Variants in PSMD14 observed in about 807,000 individuals in gnomAD.
PSMD14 encodes the protein proteasome 26S subunit, non-ATPase 14.
PSMD14 carries 7 observed loss-of-function variants against 41.2 expected under a neutral mutation model. The observed-to-expected ratio is 0.17, with a 90% CI of 0.10 to 0.32. PSMD14 has a LOEUF of 0.32. PSMD14 is among the 10% of genes least tolerant of loss of function. The pLI, the probability that PSMD14 is intolerant of heterozygous loss-of-function variation, is 1.00. For synonymous variants in PSMD14, 114 were observed against 122.3 expected (o/e 0.93, Z 0.45); for missense variants, 139 against 375.6 (o/e 0.37, Z 5.21).
intron 3 of PSMD14, among the ~76,000 whole-genome samples, chr2:161,363,947 C>T (rs1683324776): frequency 6.6e-6 from 1 of 152,202 alleles, no homozygotes; most frequent in African/African-American, 2.4e-5. Flanking sequence ...CAATTAGACC[C>T]CCTGCCTTAC....
chr2:161,394,863 TAGA>T (rs1683769741), intron 9 of PSMD14, among the ~76,000 whole-genome samples: 1 of 152,124 alleles, frequency 6.6e-6, no homozygotes, highest in Non-Finnish European at 1.5e-5. Context: ...GCCTTCTAGG[TAGA>T]AGGACAGCAA....
chr2:161,343,640 C>T (rs1574123332), intron 3 of PSMD14, among the ~76,000 whole-genome samples: 1 of 152,152 alleles, frequency 6.6e-6, no homozygotes, highest in South Asian at 2.1e-4. Context: ...CCAGCCTGCC[C>T]AACATGGTGA....
intron 1 of PSMD14, among the ~76,000 whole-genome samples, chr2:161,312,332 C>T (rs1199561528): frequency 2.6e-5 from 4 of 151,914 alleles, no homozygotes; most frequent in Admixed American, 6.6e-5. Flanking sequence ...TCAGTAGAGA[C>T]GGGGTTTTGC....
In PSMD14 at chr2:161,367,789, A is replaced by G. The variant is rs11546859; in HGVS notation, c.126A>G (p.Leu42=). 1.2e-6 allele frequency: 2 copies of G among 1,613,360 alleles called. No homozygotes were observed. Among genetic ancestry groups the G allele is most frequent in the Non-Finnish European group, 1.7e-6 (2 of 1,179,528 alleles). The change falls in exon 5 of 12, where the codon TTA becomes TTG. Residue 42 remains leucine, a synonymous_variant. Coordinates refer to ENST00000409682, the MANE Select transcript of PSMD14 (RefSeq NM_005805.6). ...ACATCTCTTCCTTTCTACAGATGTT[A>G]AAACATGGCCGTGCTGGAGTTCCAA... ...YISSLALLKM[L]KHGRAGVPME... is the part of the protein sequence containing the mutation.
intron 10 of PSMD14, among the ~76,000 whole-genome samples, chr2:161,401,436 C>T (rs186077653): frequency 2.2e-4 from 33 of 152,284 alleles, no homozygotes; most frequent in African/African-American, 6.7e-4. Context: ...GTTAAATGGA[C>T]GCAACTAGCT....
chr2:161,360,628 T>C (rs1683277024), intron 3 of PSMD14, among the ~76,000 whole-genome samples: 1 of 152,200 alleles, frequency 6.6e-6, no homozygotes, highest in Non-Finnish European at 1.5e-5. Context: ...GTGCTGGGAT[T>C]ACAGGCATGA....
intron 3 of PSMD14, among the ~76,000 whole-genome samples, chr2:161,346,157 A>G (rs1169890662): frequency 2.6e-5 from 4 of 152,222 alleles, no homozygotes; most frequent in African/African-American, 9.6e-5. Context: ...TGCTGGGATT[A>G]TAGGCGTGAG....
chr2:161,329,665 C>G (rs1013358649), intron 3 of PSMD14, among the ~76,000 whole-genome samples: 14 of 152,032 alleles, frequency 9.2e-5, no homozygotes, highest in Admixed American at 5.9e-4. Flanking sequence ...GGTGATTTTG[C>G]TTTAGAAACA....
chr2:161,349,741 C>T (rs1683093183), intron 3 of PSMD14, among the ~76,000 whole-genome samples: 1 of 152,104 alleles, frequency 6.6e-6, no homozygotes, highest in South Asian at 2.1e-4. Flanking sequence ...GTGTGCTCCT[C>T]AGAGGAGGGA....
chr2:161,382,937 T>C (rs1329460914), intron 7 of PSMD14: 1 of 151,728 alleles, frequency 6.6e-6, no homozygotes, highest in East Asian at 1.9e-4. Context: ...ATTTCTGTTC[T>C]TAACCATGGA....
chr2:161,354,260 T>C (rs1683161449), intron 3 of PSMD14, among the ~76,000 whole-genome samples: 1 of 152,098 alleles, frequency 6.6e-6, no homozygotes, highest in Admixed American at 6.6e-5. Flanking sequence ...TGGTGGGGGG[T>C]TGGTGGAGAC....
chr2:161,401,143 T>A (rs1683872993), intron 10 of PSMD14, among the ~76,000 whole-genome samples: 1 of 152,252 alleles, frequency 6.6e-6, no homozygotes, highest in Non-Finnish European at 1.5e-5. Flanking sequence ...ATAAGTACGG[T>A]ACTGTAAATG....
At chr2:161,312,881 A>G (rs935056697) in intron 1 of PSMD14, among the ~76,000 whole-genome samples, 2 of 152,270 alleles carry the variant, frequency 1.3e-5, no homozygotes, top group Admixed American at 6.5e-5. Flanking sequence ...AATGTGAAAT[A>G]TGCCCAGCAT....
At chr2:161,404,925 A>G (rs1046448942) in intron 10 of PSMD14, among the ~76,000 whole-genome samples, 1 of 152,052 alleles carries the variant, frequency 6.6e-6, no homozygotes, top group Non-Finnish European at 1.5e-5. Context: ...GTCTGTTTTC[A>G]TAGTTTAGCA....
chr2:161,371,960 A>ATTCT (rs1254104135), intron 7 of PSMD14, among the ~76,000 whole-genome samples: 5 of 148,364 alleles, frequency 3.4e-5, no homozygotes, highest in African/African-American at 4.9e-5. Flanking sequence ...TTGTTCATTC[A>ATTCT]TTCTTTCTTT....
chr2:161,361,156 C>T (rs1197472942), intron 3 of PSMD14, among the ~76,000 whole-genome samples: 1 of 152,040 alleles, frequency 6.6e-6, no homozygotes, highest in Non-Finnish European at 1.5e-5. Flanking sequence ...AAACATGTAA[C>T]TCTTTAATCC....
At chr2:161,405,274 C>G (rs538289055) in intron 10 of PSMD14, among the ~76,000 whole-genome samples, 7 of 152,288 alleles carry the variant, frequency 4.6e-5, no homozygotes, top group Non-Finnish European at 7.4e-5. Context: ...TCTTTATACT[C>G]TCATCCTGAC....
intron 3 of PSMD14, among the ~76,000 whole-genome samples, chr2:161,357,076 C>CTTTTTTTTTTTTTTTTCTT (rs71281822): frequency 8.1e-6 from 1 of 124,192 alleles, no homozygotes; most frequent in Non-Finnish European, 1.6e-5. Flanking sequence ...TGGCAAATGC[C>CTTTTTTTTTTTTTTTTCTT]TTTTTTTTTT....
At chr2:161,389,912 T>TTTTTTTTTTA (rs1299369817) in intron 8 of PSMD14, among the ~76,000 whole-genome samples, 4 of 130,290 alleles carry the variant, frequency 3.1e-5, no homozygotes, top group African/African-American at 1.3e-4. Flanking sequence ...TTTTTTTTTT[T>TTTTTTTTTTA]AGAGATGGGG....
Sources: gnomAD v4.1 joint callset for allele counts (sites outside exome capture counted in the v4.1 genomes callset) on GRCh38, gnomAD v4.1.1 for gene constraint, MANE v1.5 for transcripts, NCBI Gene and HGNC (gene_info 2026-07-23, HGNC 2026-07-21) for gene names.